Variants in GALNT13 observed in about 807,000 individuals in gnomAD.
GALNT13 encodes the protein polypeptide N-acetylgalactosaminyltransferase 13.
A neutral mutation model predicts 64.2 loss-of-function variants in GALNT13; 28 were observed. The observed-to-expected ratio is 0.44, with a 90% CI of 0.32 to 0.60. GALNT13 has a LOEUF of 0.60. Ranked by LOEUF, GALNT13 falls within the 20% of genes least tolerant of loss-of-function variation. The pLI, the probability that GALNT13 is intolerant of heterozygous loss-of-function variation, is 0.05. For synonymous variants in GALNT13, 214 were observed against 224.6 expected (o/e 0.95, Z 0.42); for missense variants, 577 against 669.8 (o/e 0.86, Z 1.53).
chr2:154,246,644 A>G (rs987441344), intron 7 of GALNT13, among the ~76,000 whole-genome samples: 1 of 152,086 alleles, frequency 6.6e-6, no homozygotes, highest in African/African-American at 2.4e-5. Context: ...CTTACCTGAA[A>G]CTAAAAATCG....
chr2:154,197,396 C>T (rs570918738), intron 4 of GALNT13, among the ~76,000 whole-genome samples: 2 of 152,198 alleles, frequency 1.3e-5, no homozygotes, highest in Admixed American at 1.3e-4. Flanking sequence ...GCAATGACCA[C>T]GCATTGTATT....
At chr2:153,914,557 T>G (rs1689199098) in intron 2 of GALNT13, among the ~76,000 whole-genome samples, 1 of 152,010 alleles carries the variant, frequency 6.6e-6, no homozygotes, top group Non-Finnish European at 1.5e-5. Context: ...GAGAATCTAG[T>G]TTTATTCTGA....
Position 154,140,509 on chromosome 2 carries a change from A to C in GALNT13, c.311+4A>C, listed in dbSNP as rs370380948. On this transcript the variant is annotated splice_donor_region_variant and intron_variant, in intron 4 of 12. Coordinates refer to ENST00000392825, the MANE Select transcript of GALNT13 (RefSeq NM_052917.4). ...TGCCAGATGTAAGATTAGAAGGGTA[A>C]GTTTGCATTTGTTATATAATCTTTT... is the stretch of plus-strand genomic sequence containing the variant. The C allele has an allele frequency of 6.3e-7, 1 of 1,591,178 alleles. No homozygotes were observed. Among genetic ancestry groups the C allele is most frequent in the African/African-American group, 1.4e-5 (1 of 74,058 alleles).
the GALNT13 span, among the ~76,000 whole-genome samples, chr2:153,476,603 C>A: frequency 6.6e-6 from 1 of 152,156 alleles, no homozygotes; most frequent in African/African-American, 2.4e-5. Flanking sequence ...CTCCAAATAT[C>A]CTTCCCAGTT....
the GALNT13 span, among the ~76,000 whole-genome samples, chr2:153,172,703 G>A: frequency 6.6e-6 from 1 of 152,238 alleles, no homozygotes; most frequent in African/African-American, 2.4e-5. Flanking sequence ...ACAAAATCAC[G>A]TGGTACAAAT....
At chr2:154,228,614 T>G (rs1688753336) in intron 4 of GALNT13, among the ~76,000 whole-genome samples, 1 of 152,190 alleles carries the variant, frequency 6.6e-6, no homozygotes, top group Non-Finnish European at 1.5e-5. Context: ...GAAGAAGGCT[T>G]TAATTGGGTG....
At chr2:154,115,274 G>A (rs1327444476) in intron 3 of GALNT13, among the ~76,000 whole-genome samples, 3 of 151,810 alleles carry the variant, frequency 2.0e-5, no homozygotes, top group African/African-American at 7.3e-5. Context: ...AAACTATTAG[G>A]ATTTTTTATT....
intron 4 of GALNT13, among the ~76,000 whole-genome samples, chr2:154,196,776 G>T (rs1686900780): frequency 1.3e-5 from 2 of 152,114 alleles, no homozygotes; most frequent in South Asian, 4.1e-4. Flanking sequence ...AAAGCTCTTT[G>T]GTTGCTCTTT....
At chr2:153,301,309 C>CAAAAA in the GALNT13 span, among the ~76,000 whole-genome samples, 42 of 76,276 alleles carry the variant, frequency 5.5e-4, no homozygotes, top group South Asian at 1.0e-3. Context: ...GACTCCTTCT[C>CAAAAA]AAAAAAAAAG....
the GALNT13 span, among the ~76,000 whole-genome samples, chr2:153,085,665 C>G: frequency 6.6e-6 from 1 of 152,146 alleles, no homozygotes; most frequent in Non-Finnish European, 1.5e-5. Flanking sequence ...ATTAAGATGC[C>G]TGGATATCCA....
In GALNT13 at chr2:154,423,969, C is replaced by T. The variant is rs1470337281; in HGVS notation, c.1396-14623C>T. On this transcript the variant is annotated intron_variant, in intron 11 of 12. Coordinates refer to ENST00000392825, the MANE Select transcript of GALNT13 (RefSeq NM_052917.4). The stretch of plus-strand genomic sequence containing the variant: ...GTCTTCCACCCCCAACCCTAGACCC[C>T]TAATCCAGCCATGAGATAAACATTA... Among the ~76,000 whole-genome samples the T allele has an allele frequency of 2.0e-5, 3 of 152,278 alleles. No individual in the cohort carries two copies. In the East Asian group the frequency reaches 5.8e-4, roughly 29 times the overall value.
chr2:153,730,367 T>C, the GALNT13 span, among the ~76,000 whole-genome samples: 1 of 151,862 alleles, frequency 6.6e-6, no homozygotes, highest in Non-Finnish European at 1.5e-5. Context: ...TATTCAATAA[T>C]TGGTACTAGA....
intron 3 of GALNT13, among the ~76,000 whole-genome samples, chr2:153,987,990 T>G (rs1313180379): frequency 6.6e-6 from 1 of 151,690 alleles, no homozygotes; most frequent in African/African-American, 2.4e-5. Context: ...ACAGAATGTT[T>G]TAAAAACTAT....
chr2:153,488,963 C>T, the GALNT13 span, among the ~76,000 whole-genome samples: 1 of 152,128 alleles, frequency 6.6e-6, no homozygotes, highest in Non-Finnish European at 1.5e-5. Flanking sequence ...CTTGGATTTC[C>T]TGGCCTCCAG....
At chr2:153,234,720 A>G in the GALNT13 span, among the ~76,000 whole-genome samples, 1 of 152,122 alleles carries the variant, frequency 6.6e-6, no homozygotes, top group East Asian at 1.9e-4. Flanking sequence ...TATTTCCTTA[A>G]GGAGGACCTT....
chr2:153,894,853 G>A (rs1687788391), intron 1 of GALNT13, among the ~76,000 whole-genome samples: 1 of 152,090 alleles, frequency 6.6e-6, no homozygotes, highest in Non-Finnish European at 1.5e-5. Flanking sequence ...TTTAGTTTTT[G>A]TCTGACATGC....
At chr2:154,131,638 G>A (rs1682623995) in intron 3 of GALNT13, among the ~76,000 whole-genome samples, 1 of 152,092 alleles carries the variant, frequency 6.6e-6, no homozygotes, top group African/African-American at 2.4e-5. Context: ...CAGATTTTTC[G>A]TTAATACCTA....
At chr2:154,336,790 A>G (rs2105211130) in intron 9 of GALNT13, among the ~76,000 whole-genome samples, 1 of 152,222 alleles carries the variant, frequency 6.6e-6, no homozygotes, top group East Asian at 1.9e-4. Flanking sequence ...GGAAATCTAC[A>G]GTGAAATTAC....
chr2:153,623,715 TTATA>T, the GALNT13 span, among the ~76,000 whole-genome samples: 2 of 152,008 alleles, frequency 1.3e-5, no homozygotes, highest in African/African-American at 4.8e-5. Context: ...GCTTGAGAAT[TTATA>T]TAAATGAAAA....
Sources: allele counts gnomAD v4.1 joint callset (sites outside exome capture counted in the v4.1 genomes callset), GRCh38; gene constraint gnomAD v4.1.1; transcripts MANE v1.5; gene names NCBI Gene and HGNC (gene_info 2026-07-23, HGNC 2026-07-21).